FOCAD: variants seen among roughly 807,000 people sequenced by gnomAD.
FOCAD encodes KIAA1797.
In FOCAD, 198 loss-of-function variants were observed where a neutral mutation model predicts 225.6. That is an observed-to-expected ratio of 0.88 (90% CI 0.78 to 0.99). The LOEUF (loss-of-function observed/expected upper bound fraction) is 0.99. FOCAD is among the 50% of genes least tolerant of loss of function. The probability of loss-of-function intolerance (pLI) is 0.00; values close to 1 mark genes in which losing one functional copy is unlikely to be tolerated. For missense variants in FOCAD, 2,713 were observed against 2,123.6 expected, an observed-to-expected ratio of 1.28 and a Z score of -5.46; for synonymous variants, 897 against 755.0, an observed-to-expected ratio of 1.19 and a Z score of -3.08.
intron 9 of FOCAD, 76 bp from the exon 10 acceptor site, chr9:20,781,651 A>C (rs1819378710): frequency 7.4e-7 from 1 of 1,344,270 alleles, no homozygotes; most frequent in Non-Finnish European, 1.1e-6. Flanking sequence ...CTTGCATATC[A>C]TTCTTAAGCA....
chr9:20,685,692 CTTGA>C (rs1822621569), intron 1 of FOCAD, among the ~76,000 whole-genome samples: 1 of 152,112 alleles, frequency 6.6e-6, no homozygotes, highest in South Asian at 2.1e-4. Context: ...AAACCTCTGC[CTTGA>C]TTATTTGCTT....
intron 2 of FOCAD, among the ~76,000 whole-genome samples, chr9:20,666,813 A>G (rs1587180288): frequency 1.3e-5 from 2 of 152,342 alleles, no homozygotes; most frequent in East Asian, 1.9e-4. Flanking sequence ...TGTTTAATGT[A>G]TATGAGTGGG....
At chr9:20,753,662 A>T (rs1020149756) in intron 5 of FOCAD, among the ~76,000 whole-genome samples, 1 of 152,090 alleles carries the variant, frequency 6.6e-6, no homozygotes, top group African/African-American at 2.4e-5. Context: ...TATCAGGATG[A>T]TGCTGGCCTC....
chr9:20,784,576 T>C (rs924053203), intron 10 of FOCAD, among the ~76,000 whole-genome samples: 14 of 152,164 alleles, frequency 9.2e-5, no homozygotes, highest in African/African-American at 3.4e-4. Flanking sequence ...GAGGGCAAAA[T>C]TCATCTTTAT....
chr9:20,967,603 T>TC (rs1207983948), intron 35 of FOCAD, among the ~76,000 whole-genome samples: 3 of 152,168 alleles, frequency 2.0e-5, no homozygotes, highest in Non-Finnish European at 4.4e-5. Flanking sequence ...TTTCAGTTTT[T>TC]CACCATTGAG....
intron 5 of FOCAD, among the ~76,000 whole-genome samples, chr9:20,741,743 A>G (rs1827635649): frequency 9.1e-6 from 1 of 110,342 alleles, no homozygotes; most frequent in Non-Finnish European, 1.8e-5. Flanking sequence ...TTCTTTATCC[A>G]TTGCCTTGGC....
At chr9:20,735,809 C>G (rs1395281234) in intron 4 of FOCAD, among the ~76,000 whole-genome samples, 3 of 150,046 alleles carry the variant, frequency 2.0e-5, no homozygotes, top group Non-Finnish European at 3.0e-5. Context: ...CAGGCACGAG[C>G]CACTATGCCT....
intron 15 of FOCAD, among the ~76,000 whole-genome samples, chr9:20,859,694 T>TTA (rs1455796679): frequency 6.8e-6 from 1 of 147,136 alleles, no homozygotes; most frequent in Non-Finnish European, 1.5e-5. Flanking sequence ...GAATGGAGTA[T>TTA]TATATATATA....
intron 39 of FOCAD, 23 bp from the exon 40 acceptor site, chr9:20,986,265 A>ACTTTTTTTTT: frequency 2.2e-6 from 1 of 457,022 alleles, no homozygotes; most frequent in Non-Finnish European, 2.9e-6. Context: ...GTAACTAAAC[A>ACTTTTTTTTT]ATTTTTTTTT....
intron 5 of FOCAD, among the ~76,000 whole-genome samples, chr9:20,746,817 C>G (rs1290807257): frequency 6.6e-6 from 1 of 152,142 alleles, no homozygotes; most frequent in African/African-American, 2.4e-5. Context: ...AGTTTAGGAT[C>G]ACCTGTTGCC....
At chr9:20,829,015 A>C (rs908826523) in intron 15 of FOCAD, among the ~76,000 whole-genome samples, 1 of 151,916 alleles carries the variant, frequency 6.6e-6, no homozygotes, top group Non-Finnish European at 1.5e-5. Flanking sequence ...TATGTACCAC[A>C]TTTTCTTGAT....
Position 20,778,756 on chromosome 9 carries a change from A to G in FOCAD, c.982A>G (p.Ile328Val), listed in dbSNP as rs750600389. The change falls in exon 9 of 44, where the codon ATC becomes GTC. Residue 328 changes from isoleucine (I) to valine (V), a missense_variant. Coordinates refer to ENST00000338382, the MANE Select transcript of FOCAD (RefSeq NM_001375567.1). ...LQTPASQQKP[I>V]LNLALKLLSV... ...GACTCCAGCAAGTCAGCAGAAGCCA[A>G]TCTTAAATCTAGGTAAATAAAAATA... 2 of 1,600,798 alleles carry G rather than the reference A, an allele frequency of 1.2e-6. No homozygotes were observed. Among genetic ancestry groups the G allele is most frequent in the Non-Finnish European group, 1.7e-6 (2 of 1,168,736 alleles).
At chr9:20,752,784 C>T (rs1587018534) in intron 5 of FOCAD, among the ~76,000 whole-genome samples, 1 of 152,092 alleles carries the variant, frequency 6.6e-6, no homozygotes, top group Non-Finnish European at 1.5e-5. Flanking sequence ...ATTCTTCCTA[C>T]CCATGAGCAT....
chr9:20,910,292 G>C (rs973759394), intron 22 of FOCAD, among the ~76,000 whole-genome samples: 5 of 149,134 alleles, frequency 3.4e-5, no homozygotes, highest in African/African-American at 9.9e-5. Flanking sequence ...AAGGTCTCCA[G>C]CCTTTTTGAA....
intron 11 of FOCAD, among the ~76,000 whole-genome samples, chr9:20,791,929 T>C (rs1375877992): frequency 6.6e-6 from 1 of 152,208 alleles, no homozygotes; most frequent in Non-Finnish European, 1.5e-5. Flanking sequence ...TGGGGGACAC[T>C]GAAATGCTGT....
chr9:20,826,028 G>A (rs898108871), intron 15 of FOCAD, among the ~76,000 whole-genome samples: 1 of 152,004 alleles, frequency 6.6e-6, no homozygotes, highest in East Asian at 1.9e-4. Flanking sequence ...ATTGATTTGG[G>A]AATTTACAAG....
intron 30 of FOCAD, 36 bp downstream of exon 30, chr9:20,946,856 G>A (rs761585991): frequency 6.2e-7 from 1 of 1,605,970 alleles, no homozygotes; most frequent in Admixed American, 1.7e-5. Flanking sequence ...CTCTCTGTGG[G>A]TCTCATGCTG....
intron 36 of FOCAD, among the ~76,000 whole-genome samples, chr9:20,977,046 G>T (rs538557763): frequency 6.6e-6 from 1 of 152,250 alleles, no homozygotes; most frequent in South Asian, 2.1e-4. Flanking sequence ...TCTTTCTAGA[G>T]GTTCTAGGGA....
chr9:20,708,220 T>C (rs986299176), intron 1 of FOCAD, among the ~76,000 whole-genome samples: 2 of 152,168 alleles, frequency 1.3e-5, no homozygotes, highest in East Asian at 1.9e-4. Context: ...AGAAAAAAGA[T>C]AAAAATTGTC....
Sources: gnomAD v4.1 joint callset for allele counts (sites outside exome capture counted in the v4.1 genomes callset) on GRCh38, gnomAD v4.1.1 for gene constraint, MANE v1.5 for transcripts, NCBI Gene and HGNC (gene_info 2026-07-23, HGNC 2026-07-21) for gene names.